IQCM: variants seen among roughly 807,000 people sequenced by gnomAD.
The protein encoded by IQCM is IQ domain-containing protein M.
A neutral mutation model predicts 57.6 loss-of-function variants in IQCM; 45 were observed. The ratio of observed to expected loss-of-function variants is 0.78; its 90% CI spans 0.62 to 1.00. IQCM has a LOEUF of 1.00. Among genes scored for constraint, IQCM ranks in the 50% least tolerant of loss-of-function variants. The pLI, the probability that IQCM is intolerant of heterozygous loss-of-function variation, is 0.00. For synonymous variants in IQCM, 148 were observed against 158.9 expected (o/e 0.93, Z 0.51); for missense variants, 468 against 511.6 (o/e 0.91, Z 0.82).
At chr4:149,773,266 G>A (rs989701245) in intron 2 of IQCM, among the ~76,000 whole-genome samples, 12 of 151,930 alleles carry the variant, frequency 7.9e-5, no homozygotes, top group African/African-American at 2.7e-4. Context: ...GCAGGAAAAT[G>A]GCGTGAACCC....
chr4:149,589,862 G>A (rs559355898), intron 8 of IQCM, among the ~76,000 whole-genome samples: 15 of 152,070 alleles, frequency 9.9e-5, no homozygotes, highest in South Asian at 8.3e-4. Context: ...AAGATGTTCC[G>A]TGACACATTT....
At chr4:149,509,870 C>T (rs1247448998) in intron 12 of IQCM, among the ~76,000 whole-genome samples, 1 of 151,922 alleles carries the variant, frequency 6.6e-6, no homozygotes, top group Non-Finnish European at 1.5e-5. Context: ...GTCCAATGTA[C>T]TCACCTGTTT....
rs576407486 is a variant in IQCM, at chr4:149,775,273, T to C, written c.-48-32534A>G. Among the ~76,000 whole-genome samples, 9 of 152,002 alleles carry C rather than the reference T, an allele frequency of 5.9e-5. No homozygotes were observed. In the East Asian group the frequency reaches 1.5e-3, roughly 26 times the overall value. Reference sequence around the variant, plus strand: ...TGAATGTTGTTTCTCCAAAAGCAAATGTCTCACAATATGACCCAGAATACT... The same window carrying C: ...TGAATGTTGTTTCTCCAAAAGCAAACGTCTCACAATATGACCCAGAATACT... On this transcript the variant is annotated intron_variant, in intron 2 of 13. Transcript: ENST00000636793.
intron 5 of IQCM, among the ~76,000 whole-genome samples, chr4:149,729,996 A>G (rs1561208496): frequency 1.3e-5 from 2 of 152,178 alleles, no homozygotes; most frequent in African/African-American, 4.8e-5. Flanking sequence ...GAAACCAGCA[A>G]TATGTCTTAA....
chr4:149,382,098 T>C (rs1355369036), intron 13 of IQCM, among the ~76,000 whole-genome samples: 2 of 152,132 alleles, frequency 1.3e-5, no homozygotes, highest in African/African-American at 4.8e-5. Context: ...ATTTTCTTCA[T>C]TTTTAATTTT....
At position 149,351,850 on chromosome 4, in the gene IQCM, T is replaced by A. The variant is rs917817138; in HGVS notation, c.*101A>T. The A allele has an allele frequency of 3.0e-5, 12 of 396,390 alleles. No individual in the cohort carries two copies. The highest frequency in any genetic ancestry group is 1.2e-3 in the Middle Eastern group (2 of 1,606). 24.6% of individuals were successfully genotyped at this position (396,390 alleles called of 1,614,324 possible). ...TTCTTTCTATATTCAAAGATTTTTA[T>A]CCTTTCTTCCTACTCATACAGAATT... On this transcript the variant is annotated 3_prime_UTR_variant, in exon 14 of 14. Transcript: ENST00000636793.
intron 7 of IQCM, among the ~76,000 whole-genome samples, chr4:149,671,986 C>A (rs901618881): frequency 2.6e-5 from 4 of 152,130 alleles, no homozygotes; most frequent in African/African-American, 7.2e-5. Context: ...TCTACACCTC[C>A]GCTGGTGATA....
At chr4:149,481,711 T>TTTTTTGTTTGTTTG (rs1740887513) in intron 12 of IQCM, among the ~76,000 whole-genome samples, 1 of 137,806 alleles carries the variant, frequency 7.3e-6, no homozygotes, top group African/African-American at 2.7e-5. Flanking sequence ...GTTTTTTTTT[T>TTTTTTGTTTGTTTG]TTTTTTTTTT....
intron 12 of IQCM, among the ~76,000 whole-genome samples, chr4:149,528,073 C>T (rs1178195066): frequency 6.6e-6 from 1 of 151,686 alleles, no homozygotes; most frequent in Non-Finnish European, 1.5e-5. Flanking sequence ...GCAACCTCCA[C>T]CTCCTGCGTT....
At chr4:149,380,279 AT>A (rs1407827171) in intron 13 of IQCM, among the ~76,000 whole-genome samples, 2 of 151,968 alleles carry the variant, frequency 1.3e-5, no homozygotes, top group African/African-American at 4.8e-5. Flanking sequence ...CTTTAATACT[AT>A]TCCTTAAATC....
chr4:149,576,348 T>A (rs1338751029), intron 9 of IQCM, among the ~76,000 whole-genome samples: 1 of 151,822 alleles, frequency 6.6e-6, no homozygotes, highest in Non-Finnish European at 1.5e-5. Flanking sequence ...GTGCCCTTCC[T>A]TGTATCCACG....
chr4:149,517,209 T>A (rs769067598), intron 12 of IQCM, among the ~76,000 whole-genome samples: 11 of 151,696 alleles, frequency 7.3e-5, no homozygotes, highest in Non-Finnish European at 1.3e-4. Flanking sequence ...TAGTCATCAG[T>A]TCCAGCTATG....
At chr4:149,498,517 C>A (rs1464002931) in intron 12 of IQCM, among the ~76,000 whole-genome samples, 4 of 152,120 alleles carry the variant, frequency 2.6e-5, no homozygotes, top group Non-Finnish European at 5.9e-5. Flanking sequence ...GGGATCCCAG[C>A]AACCCTGGTA....
At chr4:149,692,008 C>G (rs191480663) in intron 5 of IQCM, among the ~76,000 whole-genome samples, 44 of 152,244 alleles carry the variant, frequency 2.9e-4, no homozygotes, top group Admixed American at 1.0e-3. Flanking sequence ...ACAGCAGAGA[C>G]AATTAGTACT....
Position 149,733,462 on chromosome 4 carries a change from T to C in IQCM, c.167A>G (p.Gln56Arg). 8.1e-7 allele frequency: 1 copy of C among 1,231,466 alleles called. No individual in the cohort carries two copies. Among genetic ancestry groups the C allele is most frequent in the Non-Finnish European group, 1.0e-6 (1 of 987,382 alleles). The allele number at this position is 1,231,466 out of a possible 1,614,324, so 76.3% of individuals were successfully genotyped here. The part of the protein sequence containing the change: ...TSINVFRKKH[Q>R]KPKSGKYIPL... Reference sequence around the variant, plus strand: ...TATGTATTTGCCAGATTTCGGTTTTTGGTGTTTCTTTCTAAAAACATTTAT... The same window carrying C: ...TATGTATTTGCCAGATTTCGGTTTTCGGTGTTTCTTTCTAAAAACATTTAT... Residue 56 changes from glutamine (Q) to arginine (R), a missense_variant, in exon 5 of 14, where the codon CAA becomes CGA. Coordinates refer to ENST00000636793, the MANE Select transcript of IQCM (RefSeq NM_001363507.2).
intron 8 of IQCM, among the ~76,000 whole-genome samples, chr4:149,597,123 A>G (rs1753849636): frequency 6.6e-6 from 1 of 152,150 alleles, no homozygotes; most frequent in Non-Finnish European, 1.5e-5. Flanking sequence ...GCAGACTTGG[A>G]AAGTAACAAT....
chr4:149,362,004 C>A (rs1729528030), intron 13 of IQCM, among the ~76,000 whole-genome samples: 1 of 152,128 alleles, frequency 6.6e-6, no homozygotes, highest in South Asian at 2.1e-4. Flanking sequence ...CCATGGGAAC[C>A]CACCTCTTGC....
In IQCM at chr4:149,663,826, A is replaced by T. The variant is rs191762264; in HGVS notation, c.565+18292T>A. Among the ~76,000 whole-genome samples the T allele has an allele frequency of 1.3e-3, 198 of 152,234 alleles. 2 individuals are homozygous for T. Among genetic ancestry groups the T allele is most frequent in the Non-Finnish European group, 8.7e-4 (59 of 68,000 alleles). Reference sequence around the variant, plus strand: ...CAGAGAAGATTTTTGCAGGTTGAATATAATTTAGAATTTTTGAAATTCCAG... The same window carrying T: ...CAGAGAAGATTTTTGCAGGTTGAATTTAATTTAGAATTTTTGAAATTCCAG... On this transcript the variant is annotated intron_variant, in intron 7 of 13. Coordinates refer to ENST00000636793, the MANE Select transcript of IQCM (RefSeq NM_001363507.2).
intron 8 of IQCM, among the ~76,000 whole-genome samples, chr4:149,600,265 T>C (rs1313332090): frequency 6.6e-6 from 1 of 152,274 alleles, no homozygotes; most frequent in East Asian, 1.9e-4. Context: ...AGAGTCTGCC[T>C]TGTGCTTTAT....
Sources: allele counts gnomAD v4.1 joint callset (sites outside exome capture counted in the v4.1 genomes callset), GRCh38; gene constraint gnomAD v4.1.1; transcripts MANE v1.5; gene names NCBI Gene and HGNC (gene_info 2026-07-23, HGNC 2026-07-21).